Variants in RBFOX1 observed in about 807,000 individuals in gnomAD.
RBFOX1 encodes the protein RNA binding protein fox-1 homolog 1.
In RBFOX1, 8 loss-of-function variants were observed where a neutral mutation model predicts 57.7. The observed-to-expected ratio is 0.14, with a 90% CI of 0.08 to 0.25. RBFOX1 has a LOEUF of 0.25. Ranked by LOEUF, RBFOX1 falls within the 10% of genes least tolerant of loss-of-function variation. RBFOX1 has a pLI of 1.00. For missense variants in RBFOX1, 611 were observed against 548.5 expected (o/e 1.11, Z -1.14); for synonymous variants, 326 against 222.4 (o/e 1.47, Z -4.15).
chr16:5,445,178 G>A (rs1397125217), intron 1 of RBFOX1, among the ~76,000 whole-genome samples: 2 of 152,148 alleles, frequency 1.3e-5, no homozygotes, highest in African/African-American at 2.4e-5. Context: ...AGAGTGACTT[G>A]GTAGCTTAGA....
At chr16:7,677,949 C>T (rs1295353584) in intron 14 of RBFOX1, among the ~76,000 whole-genome samples, 1 of 152,150 alleles carries the variant, frequency 6.6e-6, no homozygotes, top group Admixed American at 6.5e-5. Flanking sequence ...AGTTCCATTC[C>T]ATTTCTCACG....
intron 3 of RBFOX1, among the ~76,000 whole-genome samples, chr16:6,966,489 A>T (rs573592529): frequency 6.6e-6 from 1 of 152,210 alleles, no homozygotes; most frequent in Admixed American, 6.5e-5. Context: ...TGATCACAGT[A>T]GCTTATTAGG....
chr16:7,075,062 C>G (rs943242100), intron 4 of RBFOX1, among the ~76,000 whole-genome samples: 1 of 152,138 alleles, frequency 6.6e-6, no homozygotes, highest in South Asian at 2.1e-4. Flanking sequence ...AAGCAACATA[C>G]GGCAAATTCG....
chr16:6,596,517 C>T (rs1349814045), intron 2 of RBFOX1, among the ~76,000 whole-genome samples: 3 of 145,904 alleles, frequency 2.1e-5, no homozygotes, highest in African/African-American at 5.6e-5. Context: ...GGTCCCACTC[C>T]TGTGTTCCTG....
At chr16:6,637,062 G>A (rs1380201537) in intron 2 of RBFOX1, among the ~76,000 whole-genome samples, 1 of 84,470 alleles carries the variant, frequency 1.2e-5, no homozygotes, top group Non-Finnish European at 2.1e-5. Context: ...ATATTTATAT[G>A]TATAAATATG....
intron 2 of RBFOX1, among the ~76,000 whole-genome samples, chr16:6,519,682 C>T (rs1000069992): frequency 2.0e-5 from 3 of 152,114 alleles, no homozygotes; most frequent in African/African-American, 7.2e-5. Context: ...GTCTGGGTGA[C>T]AAGAATGGAA....
At chr16:6,438,595 G>C (rs370334500) in intron 2 of RBFOX1, among the ~76,000 whole-genome samples, 2 of 152,122 alleles carry the variant, frequency 1.3e-5, no homozygotes, top group Non-Finnish European at 2.9e-5. Flanking sequence ...CAAATAAATC[G>C]AATTACTTAC....
At chr16:6,622,358 GTATAGATAGATTTA>G (rs1332326958) in intron 2 of RBFOX1, among the ~76,000 whole-genome samples, 2 of 152,086 alleles carry the variant, frequency 1.3e-5, no homozygotes, top group African/African-American at 4.8e-5. Context: ...CCTTTTCTAT[GTATAGATAGATTTA>G]GATACGTAGT....
chr16:6,140,394 C>G (rs1385544921), intron 1 of RBFOX1, among the ~76,000 whole-genome samples: 3 of 151,954 alleles, frequency 2.0e-5, no homozygotes, highest in Non-Finnish European at 4.4e-5. Flanking sequence ...CGAGGTCTTG[C>G]TGTGTTGGCC....
At chr16:7,363,262 A>T (rs2097365452) in intron 4 of RBFOX1, among the ~76,000 whole-genome samples, 1 of 151,988 alleles carries the variant, frequency 6.6e-6, no homozygotes, top group South Asian at 2.1e-4. Context: ...GCGGGGGGAA[A>T]ACCTCCAGAT....
intron 4 of RBFOX1, among the ~76,000 whole-genome samples, chr16:7,173,776 G>T (rs2081159175): frequency 6.6e-6 from 1 of 152,134 alleles, no homozygotes; most frequent in African/African-American, 2.4e-5. Context: ...GCAGCACAAA[G>T]CATCATAAAT....
rs74006226 is a variant in RBFOX1 at position 5,718,116 on chromosome 16, C to G, written c.318+119155C>G. Among the ~76,000 whole-genome samples, 285 of 152,346 alleles carry G rather than the reference C, an allele frequency of 1.9e-3. 2 individuals carry two copies. The highest frequency in any genetic ancestry group is 6.5e-3 in the African/African-American group (271 of 41,578). On this transcript the variant is annotated intron_variant, in intron 3 of 19. Coordinates refer to the RBFOX1 transcript ENST00000641259. Reference sequence around the variant, plus strand: ...CGATGCACACATAGGGCAAGCATTTCTTTACATAGGGGGCTTTCCTTCATG... The same window carrying G: ...CGATGCACACATAGGGCAAGCATTTGTTTACATAGGGGGCTTTCCTTCATG...
chr16:6,501,921 C>G (rs1448180204), intron 2 of RBFOX1, among the ~76,000 whole-genome samples: 2 of 152,152 alleles, frequency 1.3e-5, no homozygotes, highest in African/African-American at 4.8e-5. Flanking sequence ...GAGATCCTTG[C>G]AAGTGCTGAG....
intron 3 of RBFOX1, among the ~76,000 whole-genome samples, chr16:6,986,146 A>G (rs994731904): frequency 6.6e-6 from 1 of 150,850 alleles, no homozygotes; most frequent in Non-Finnish European, 1.5e-5. Flanking sequence ...CTTGTACAAT[A>G]ACCCTTATAT....
intron 4 of RBFOX1, among the ~76,000 whole-genome samples, chr16:7,089,083 G>A (rs1453622420): frequency 2.0e-5 from 3 of 152,176 alleles, no homozygotes; most frequent in South Asian, 2.1e-4. Flanking sequence ...TTACACCCTT[G>A]CCCCCTTTCT....
At chr16:5,359,433 A>T (rs528228790) in intron 1 of RBFOX1, among the ~76,000 whole-genome samples, 4 of 152,186 alleles carry the variant, frequency 2.6e-5, no homozygotes. Flanking sequence ...TCCCACCAAC[A>T]GTGTACACGA....
chr16:6,735,154 AAACAACAACAACATC>A (rs2069801595), intron 3 of RBFOX1, among the ~76,000 whole-genome samples: 1 of 149,318 alleles, frequency 6.7e-6, no homozygotes, highest in African/African-American at 2.6e-5. Flanking sequence ...GTCTCAACAA[AAACAACAACAACATC>A]AACAACAACA....
At chr16:6,908,310 C>A (rs1242369808) in intron 3 of RBFOX1, among the ~76,000 whole-genome samples, 1 of 151,714 alleles carries the variant, frequency 6.6e-6, no homozygotes, top group African/African-American at 2.4e-5. Flanking sequence ...AGCCTCTGAC[C>A]ATGGCTTGGG....
intron 1 of RBFOX1, among the ~76,000 whole-genome samples, chr16:5,453,364 T>C (rs1315723804): frequency 1.3e-5 from 2 of 152,090 alleles, no homozygotes; most frequent in Non-Finnish European, 2.9e-5. Flanking sequence ...GGGAAGTGCA[T>C]TAAAGATCTT....
Sources: gnomAD v4.1 joint callset for allele counts (sites outside exome capture counted in the v4.1 genomes callset) on GRCh38, gnomAD v4.1.1 for gene constraint, MANE v1.5 for transcripts, NCBI Gene and HGNC (gene_info 2026-07-23, HGNC 2026-07-21) for gene names.